The following APLF variants were observed in gnomAD, a reference collection of about 807,000 sequenced individuals.
APLF encodes the protein aprataxin and PNK-like factor.
In APLF, 61 loss-of-function variants were observed where a neutral mutation model predicts 55.6. The ratio of observed to expected loss-of-function variants is 1.10; its 90% confidence interval spans 0.89 to 1.36. The LOEUF is 1.36. Among genes scored for constraint, APLF ranks in the 40% most tolerant of loss-of-function variants. APLF has a pLI of 0.00. For synonymous variants in APLF, 207 were observed against 214.8 expected (o/e 0.96, Z 0.32); for missense variants, 611 against 602.5 (o/e 1.01, Z -0.15).
chr2:68,557,910 G>GAA (rs11338277), intron 8 of APLF, among the ~76,000 whole-genome samples: 7 of 132,416 alleles, frequency 5.3e-5, no homozygotes, highest in Admixed American at 1.5e-4. Context: ...GACTCCATCT[G>GAA]AAAAAAAAAA....
In APLF at chr2:68,486,559, A is replaced by T. The variant is rs550907689; in HGVS notation, c.97-3631A>T. On this transcript the variant is annotated intron_variant, in intron 1 of 9. Coordinates refer to ENST00000303795, the MANE Select transcript of APLF (RefSeq NM_173545.3). ...CTCTGTTTCTGTCATTTGCCACCTG[A>T]TTTTCTCTGCTCCAGCATAGGTTCT... 2.6e-5 allele frequency among the ~76,000 whole-genome samples: 4 copies of T among 151,952 alleles called. No homozygotes were observed. In the South Asian group the frequency reaches 8.3e-4, roughly 32 times the overall value.
At chr2:68,526,999 A>C (rs1016011804) in intron 6 of APLF, among the ~76,000 whole-genome samples, 2 of 152,196 alleles carry the variant, frequency 1.3e-5, no homozygotes, top group African/African-American at 4.8e-5. Context: ...CTGTCACTTC[A>C]CACTTGGAAG....
intron 1 of APLF, among the ~76,000 whole-genome samples, chr2:68,478,461 A>G (rs1245308644): frequency 6.6e-6 from 1 of 152,230 alleles, no homozygotes; most frequent in Non-Finnish European, 1.5e-5. Flanking sequence ...ATGATTCAAG[A>G]AAAAGCAAAG....
chr2:68,519,894 G>A (rs777847814), intron 5 of APLF, among the ~76,000 whole-genome samples: 43 of 151,530 alleles, frequency 2.8e-4, no homozygotes, highest in Non-Finnish European at 4.7e-4. Flanking sequence ...ATCTCCACAC[G>A]GTTTTCTGTA....
chr2:68,557,790 A>T (rs1671055652), intron 8 of APLF, among the ~76,000 whole-genome samples: 1 of 152,112 alleles, frequency 6.6e-6, no homozygotes, highest in African/African-American at 2.4e-5. Context: ...GCAAACCTGT[A>T]GTCCCAGCTA....
At chr2:68,480,017 C>A (rs932379480) in intron 1 of APLF, among the ~76,000 whole-genome samples, 1 of 152,056 alleles carries the variant, frequency 6.6e-6, no homozygotes, top group Non-Finnish European at 1.5e-5. Context: ...TAAGAATATA[C>A]TGTAAAATAC....
chr2:68,543,039 A>T (rs576761450), intron 7 of APLF, among the ~76,000 whole-genome samples: 1 of 152,342 alleles, frequency 6.6e-6, no homozygotes, highest in South Asian at 2.1e-4. Context: ...GAAATAAACC[A>T]GTCACAAAAA....
chr2:68,555,689 A>C (rs1244906445), intron 8 of APLF, among the ~76,000 whole-genome samples: 1 of 152,158 alleles, frequency 6.6e-6, no homozygotes, highest in Non-Finnish European at 1.5e-5. Flanking sequence ...CATAATCAAA[A>C]AATGAAAAAA....
chr2:68,537,983 A>G lies in APLF; in HGVS notation c.916A>G (p.Lys306Glu). The G allele has an allele frequency of 6.2e-7, 1 of 1,613,946 alleles. No homozygotes were observed. Among genetic ancestry groups the G allele is most frequent in the Non-Finnish European group, 8.5e-7 (1 of 1,179,924 alleles). Residue 306 changes from lysine (K) to glutamate (E), a missense_variant, in exon 7 of 10, where the codon AAA becomes GAA. By Grantham distance (56) the Lys-to-Glu change is moderately conservative. Transcript: ENST00000303795. Reference protein sequence around the residue: ...LPIEELGKVSKHKIATKRTPH... With the variant: ...LPIEELGKVSEHKIATKRTPH... ...AATAGAGGAACTTGGTAAAGTTTCT[A>G]AACATAAAATTGCCACTAAAAGAAC...
intron 6 of APLF, chr2:68,528,831 G>A (rs1670158884): frequency 2.7e-6 from 4 of 1,497,800 alleles, no homozygotes; most frequent in African/African-American, 1.4e-5. Flanking sequence ...CTCTTGAGGT[G>A]GACATTTCCC....
intron 6 of APLF, among the ~76,000 whole-genome samples, chr2:68,531,189 G>A (rs1366704997): frequency 6.6e-6 from 1 of 152,148 alleles, no homozygotes; most frequent in Non-Finnish European, 1.5e-5. Flanking sequence ...AGAAAATGAG[G>A]ACTATTTATT....
intron 5 of APLF, among the ~76,000 whole-genome samples, chr2:68,525,425 A>G (rs1220944962): frequency 6.6e-6 from 1 of 152,244 alleles, no homozygotes; most frequent in Non-Finnish European, 1.5e-5. Flanking sequence ...CAATTCTACA[A>G]TTAAAAAAAT....
Position 68,467,708 on chromosome 2 carries a change from G to A in APLF, c.-24G>A. On this transcript the variant is annotated 5_prime_UTR_variant, in exon 1 of 10. Transcript: ENST00000303795. ...ACAGCGGAGGGGCCAGTCTCCTGGC[G>A]AAGGGGCCTAATCCTTGCCCGCCAT... 1 of 1,234,250 alleles carries A rather than the reference G, an allele frequency of 8.1e-7. No homozygotes were observed. The highest frequency in any genetic ancestry group is 1.0e-6 in the Non-Finnish European group (1 of 987,584). The allele number at this position is 1,234,250 out of a possible 1,614,324, so 76.5% of individuals were successfully genotyped here.
Position 68,529,354 on chromosome 2 carries a change from G to C in APLF, c.804+3112G>C. ...CAGGCACAGGTGCAGGAGCCGCGGG[G>C]TGAGCCCGGCCAGCTGGGAAGGCCT... On this transcript the variant is annotated intron_variant, in intron 6 of 9. Transcript: ENST00000303795. This position sits in a 1 kb window ranked among gnomAD's most constrained non-coding sequence, Gnocchi z 4.4. The C allele has an allele frequency of 7.6e-7, 1 of 1,316,130 alleles. No homozygotes were observed. Among genetic ancestry groups the C allele is most frequent in the Admixed American group, 3.3e-5 (1 of 30,020 alleles). 81.5% of individuals were successfully genotyped at this position (1,316,130 alleles called of 1,614,324 possible). A position where few individuals can be genotyped will look rare whatever the true frequency, so the allele number is the denominator to read the frequency against.
chr2:68,507,913 G>GAAA (rs1676917385), intron 3 of APLF, among the ~76,000 whole-genome samples: 1 of 151,486 alleles, frequency 6.6e-6, no homozygotes, highest in African/African-American at 2.4e-5. Flanking sequence ...ATCTAAGTAT[G>GAAA]TAGATTCCAT....
chr2:68,467,856 C>T, intron 1 of APLF, 29 bp downstream of exon 1: 2 of 1,230,094 alleles, frequency 1.6e-6, no homozygotes. Flanking sequence ...TTAGCGGACC[C>T]CGAGAGCCGT....
intron 9 of APLF, among the ~76,000 whole-genome samples, chr2:68,570,888 T>C (rs1671441373): frequency 6.6e-6 from 1 of 152,204 alleles, no homozygotes. Flanking sequence ...TCCACAATGG[T>C]TGAACTAGTT....
chr2:68,475,815 A>G (rs1306407814), intron 1 of APLF, among the ~76,000 whole-genome samples: 1 of 152,136 alleles, frequency 6.6e-6, no homozygotes, highest in Non-Finnish European at 1.5e-5. Context: ...GAAGATATCT[A>G]GATAAGACAA....
At chr2:68,558,605 C>T (rs1261063541) in intron 8 of APLF, among the ~76,000 whole-genome samples, 1 of 152,062 alleles carries the variant, frequency 6.6e-6, no homozygotes, top group Non-Finnish European at 1.5e-5. Flanking sequence ...GATCTAGGAG[C>T]TTATGTAAAA....
Sources: gnomAD v4.1 joint callset for allele counts (sites outside exome capture counted in the v4.1 genomes callset) on GRCh38, gnomAD v4.1.1 for gene constraint, Gnocchi (gnomAD v3.1) non-coding constraint, MANE v1.5 for transcripts, NCBI Gene and HGNC (gene_info 2026-07-23, HGNC 2026-07-21) for gene names.